Variants in PLEKHG7 observed in about 807,000 individuals in gnomAD.
PLEKHG7 encodes pleckstrin homology and RhoGEF domain containing G7.
In PLEKHG7, 77 loss-of-function variants were observed where a neutral mutation model predicts 85.2. That is an observed-to-expected ratio of 0.90 (90% CI 0.75 to 1.09). The LOEUF is 1.09. Among genes scored for constraint, PLEKHG7 ranks in the 50% least tolerant of loss-of-function variants. The probability of loss-of-function intolerance (pLI) is 0.00; values close to 1 mark genes in which losing one functional copy is unlikely to be tolerated. For missense variants in PLEKHG7, 777 were observed against 804.3 expected, an observed-to-expected ratio of 0.97 and a Z score of 0.41; for synonymous variants, 301 against 302.4, an observed-to-expected ratio of 1.00 and a Z score of 0.05.
rs375579842 is a variant in PLEKHG7, at chr12:92,706,896, C to T, written c.265C>T (p.Pro89Ser). The part of the protein sequence containing the change: ...GFPCYLSKSL[P>S]GSPKDSSHLL... Reference sequence around the variant, plus strand: ...CCCATGTTACCTTTCGAAGAGCCTGCCAGGAAGCCCAAAGGATTCTTCACA... The same window carrying T: ...CCCATGTTACCTTTCGAAGAGCCTGTCAGGAAGCCCAAAGGATTCTTCACA... Residue 89 changes from proline to serine, a missense_variant, in exon 2 of 17, where the codon CCA becomes TCA. Pro to Ser is a moderately conservative substitution (Grantham distance 74). Around this residue, in one of 3 missense-constraint regions of PLEKHG7, gnomAD observed 252 missense variants for 241.9 expected, o/e 1.04. Coordinates refer to ENST00000344636, the MANE Select transcript of PLEKHG7 (RefSeq NM_001377329.1). 6 of 1,614,048 alleles carry T rather than the reference C, an allele frequency of 3.7e-6. No individual in the cohort carries two copies. The highest frequency in any genetic ancestry group is 2.7e-5 in the African/African-American group (2 of 75,032).
intron 5 of PLEKHG7, among the ~76,000 whole-genome samples, chr12:92,735,500 C>T (rs1027325127): frequency 6.6e-6 from 1 of 152,222 alleles, no homozygotes; most frequent in South Asian, 2.1e-4. Context: ...CTGTTTAGAT[C>T]CATGCCAATA....
chr12:92,751,131 A>G (rs180934524), intron 10 of PLEKHG7, among the ~76,000 whole-genome samples: 141 of 152,328 alleles, frequency 9.3e-4, no homozygotes, highest in African/African-American at 3.2e-3. Flanking sequence ...TTCTACAAGA[A>G]TGTTGTTTAC....
At chr12:92,746,226 T>C (rs1430537912) in intron 10 of PLEKHG7, among the ~76,000 whole-genome samples, 1 of 152,256 alleles carries the variant, frequency 6.6e-6, no homozygotes, top group Non-Finnish European at 1.5e-5. Flanking sequence ...TTTTCAGTCC[T>C]GTGCCAGAGC....
chr12:92,769,154 A>G (rs1352434252), intron 16 of PLEKHG7, 74 bp downstream of exon 16: 1 of 1,143,384 alleles, frequency 8.7e-7, no homozygotes, highest in East Asian at 2.5e-5. Context: ...CTTAAGTAAC[A>G]GTGAATGGAA....
intron 13 of PLEKHG7, 41 bp downstream of exon 13, chr12:92,756,432 G>T (rs11833636): frequency 3.4e-6 from 5 of 1,461,004 alleles, no homozygotes; most frequent in Non-Finnish European, 4.8e-6. Context: ...CATCTGTGCC[G>T]CCTTGTAACT....
At chr12:92,724,841 GC>G (rs1871751139) in intron 3 of PLEKHG7, among the ~76,000 whole-genome samples, 1 of 152,134 alleles carries the variant, frequency 6.6e-6, no homozygotes, top group African/African-American at 2.4e-5. Flanking sequence ...GAGCAGGTCA[GC>G]CTATGACCTC....
At chr12:92,717,635 C>T (rs1044338988) in intron 3 of PLEKHG7, among the ~76,000 whole-genome samples, 1 of 152,196 alleles carries the variant, frequency 6.6e-6, no homozygotes, top group African/African-American at 2.4e-5. Context: ...TGTTTAGATA[C>T]ACAAATACTT....
chr12:92,731,206 C>T (rs927153418), intron 4 of PLEKHG7, among the ~76,000 whole-genome samples: 1 of 152,152 alleles, frequency 6.6e-6, no homozygotes, highest in Non-Finnish European at 1.5e-5. Context: ...TAATAATTTA[C>T]TGCCAGGCAT....
chr12:92,750,844 C>A (rs1872670389), intron 10 of PLEKHG7, among the ~76,000 whole-genome samples: 5 of 152,062 alleles, frequency 3.3e-5, no homozygotes. Flanking sequence ...GATCATCTAG[C>A]CAAGAGCCAT....
chr12:92,767,504 T>A (rs1002730694), intron 15 of PLEKHG7, among the ~76,000 whole-genome samples: 10 of 152,114 alleles, frequency 6.6e-5, no homozygotes, highest in African/African-American at 2.2e-4. Flanking sequence ...CAGCTTTTTT[T>A]TTTTTTCCCC....
intron 3 of PLEKHG7, 172 bp downstream of exon 3, chr12:92,707,844 A>T: frequency 8.9e-7 from 1 of 1,119,138 alleles, no homozygotes; most frequent in Non-Finnish European, 1.3e-6. Flanking sequence ...TCATTTCAAG[A>T]GTCTCCCTTT....
At chr12:92,756,569 C>T (rs146898887) in intron 13 of PLEKHG7, among the ~76,000 whole-genome samples, 178 bp downstream of exon 13, 107 of 152,342 alleles carry the variant, frequency 7.0e-4, no homozygotes, top group Non-Finnish European at 1.0e-3. Flanking sequence ...GACTTCGCAA[C>T]ATAACTAGCT....
rs1385307644 is a variant in PLEKHG7, at chr12:92,754,213, G to T, written c.1375G>T (p.Ala459Ser). ...KNIWKRSMDSAEKIMIYSIKE... is the reference protein window; with the variant it reads ...KNIWKRSMDSSEKIMIYSIKE... ...TATCTGGAAAAGGAGCATGGACTCTGCTGAGAAAATCATGATCTACTCCAT... is the reference window on the plus strand; with the variant it reads ...TATCTGGAAAAGGAGCATGGACTCTTCTGAGAAAATCATGATCTACTCCAT... The change falls in exon 11 of 17, where the codon GCT (alanine) becomes TCT (serine). Residue 459 changes from alanine to serine, a missense_variant. Around this residue, in one of 3 missense-constraint regions of PLEKHG7, gnomAD observed 520 missense variants for 544.0 expected, o/e 0.96. Coordinates refer to ENST00000344636, the MANE Select transcript of PLEKHG7 (RefSeq NM_001377329.1). 1.9e-6 allele frequency: 3 copies of T among 1,614,004 alleles called. No individual in the cohort carries two copies. Among genetic ancestry groups the T allele is most frequent in the Non-Finnish European group, 2.5e-6 (3 of 1,179,960 alleles).
intron 13 of PLEKHG7, 112 bp from the exon 14 acceptor site, chr12:92,761,640 A>AAGG (rs1873018619): frequency 1.5e-6 from 1 of 687,678 alleles, no homozygotes. Context: ...GAAAGAAAGA[A>AAGG]AGAAAGAAAG....
chr12:92,716,139 C>T (rs1485966702), intron 3 of PLEKHG7, among the ~76,000 whole-genome samples: 3 of 152,066 alleles, frequency 2.0e-5, no homozygotes, highest in Non-Finnish European at 4.4e-5. Flanking sequence ...CTCTGTCACT[C>T]AGGCTGGAGT....
intron 10 of PLEKHG7, among the ~76,000 whole-genome samples, chr12:92,748,129 T>C (rs915021200): frequency 3.9e-5 from 6 of 152,226 alleles, no homozygotes; most frequent in African/African-American, 1.4e-4. Context: ...TGTACACATG[T>C]ATCAAAATAT....
At position 92,761,622 on chromosome 12, in the gene PLEKHG7, A is replaced by AG. The variant is rs768974546; in HGVS notation, c.1637-129dup. ...GAAAGAAAGAAAAAGAAAGAAAGAA[A>AG]GAAGAAAGAAAGAAAGAAAGAAAGA... On this transcript the variant is annotated intron_variant, in intron 13 of 16. Coordinates refer to ENST00000344636, the MANE Select transcript of PLEKHG7 (RefSeq NM_001377329.1). The AG allele has an allele frequency of 3.4e-6, 3 of 885,790 alleles. No homozygotes were observed. The African/African-American group carries it at 7.3e-5, about 21-fold the overall frequency. 54.9% of individuals were successfully genotyped at this position (885,790 alleles called of 1,614,324 possible). A position where few individuals can be genotyped will look rare whatever the true frequency, so the allele number is the denominator to read the frequency against.
At chr12:92,750,965 A>G (rs1592685091) in intron 10 of PLEKHG7, among the ~76,000 whole-genome samples, 1 of 135,920 alleles carries the variant, frequency 7.4e-6, no homozygotes, top group African/African-American at 2.7e-5. Flanking sequence ...AATAAATAAA[A>G]ATAAAACAGT....
chr12:92,737,335 T>C (rs1367603249), intron 6 of PLEKHG7, 43 bp from the exon 7 acceptor site: 2 of 1,363,216 alleles, frequency 1.5e-6, no homozygotes, highest in Non-Finnish European at 1.9e-6. Flanking sequence ...GTCAATCCAC[T>C]GAGGTGGAAA....
Sources: gnomAD v4.1 joint callset for allele counts (sites outside exome capture counted in the v4.1 genomes callset) on GRCh38, gnomAD v4.1.1 for gene constraint, gnomAD v4.1.1 regional missense constraint, MANE v1.5 for transcripts, NCBI Gene and HGNC (gene_info 2026-07-23, HGNC 2026-07-21) for gene names.